The following ABI3BP variants were observed in gnomAD, a reference collection of about 807,000 sequenced individuals.
ABI3BP encodes the protein target of Nesh-SH3.
A neutral mutation model predicts 268.6 loss-of-function variants in ABI3BP; 216 were observed. The observed-to-expected ratio is 0.80, with a 90% CI of 0.72 to 0.90. ABI3BP has a LOEUF of 0.90. ABI3BP is among the 40% of genes least tolerant of loss of function. ABI3BP has a pLI of 0.00. For synonymous variants in ABI3BP, 730 were observed against 730.0 expected, an observed-to-expected ratio of 1.00 and a Z score of 0.00; for missense variants, 2,090 against 2,182.4, an observed-to-expected ratio of 0.96 and a Z score of 0.84.
At chr3:100,753,313 T>C (rs1474251002) in intron 65 of ABI3BP, among the ~76,000 whole-genome samples, 1 of 151,986 alleles carries the variant, frequency 6.6e-6, no homozygotes. Flanking sequence ...TCTTTTTTTT[T>C]TTTTGAGACA....
At chr3:100,811,391 A>G (rs1160478026) in intron 47 of ABI3BP, 114 bp from the exon 48 acceptor site, 1 of 768,220 alleles carries the variant, frequency 1.3e-6, no homozygotes, top group Non-Finnish European at 2.0e-6. Flanking sequence ...AGACAGGACA[A>G]TGGATTTAGA....
chr3:100,880,992 CACATGAGAACTTGGGCATA>C (rs560325418), intron 6 of ABI3BP, among the ~76,000 whole-genome samples: 5 of 151,894 alleles, frequency 3.3e-5, no homozygotes, highest in Non-Finnish European at 7.4e-5. Context: ...AGAGTCAAAC[CACATGAGAACTTGGGCATA>C]TTAGATTCTG....
At chr3:100,967,710 A>T (rs1029577859) in intron 1 of ABI3BP, among the ~76,000 whole-genome samples, 4 of 152,150 alleles carry the variant, frequency 2.6e-5, no homozygotes, top group African/African-American at 9.7e-5. Flanking sequence ...AATAAGGTAG[A>T]ATAATTACAA....
At chr3:100,842,481 A>C (rs2098717973) in intron 20 of ABI3BP, among the ~76,000 whole-genome samples, 1 of 152,224 alleles carries the variant, frequency 6.6e-6, no homozygotes, top group East Asian at 1.9e-4. Flanking sequence ...ACGTTCTCTC[A>C]CAAAAAAGAT....
chr3:100,816,182 A>G, intron 43 of ABI3BP: 1 of 524,356 alleles, frequency 1.9e-6, no homozygotes. Flanking sequence ...GAACTCTGTT[A>G]CATATCTTGA....
Position 100,898,817 on chromosome 3 carries a change from A to T in ABI3BP, c.406T>A (p.Phe136Ile). ...CAGTCATGGTGTGGGTTGATGAGGA[A>T]ACCCCAGGACAGGAAGACCGAGCTC... ...TPSSVFLSWG[F>I]LINPHHDWTL... Residue 136 changes from phenylalanine (F) to isoleucine (I), a missense_variant, in exon 4 of 68, where the codon TTC becomes ATC. Coordinates refer to ENST00000471714, the MANE Select transcript of ABI3BP (RefSeq NM_001375547.2). 1 of 1,613,800 alleles carries T rather than the reference A, an allele frequency of 6.2e-7. No homozygotes were observed. Among genetic ancestry groups the T allele is most frequent in the Non-Finnish European group, 8.5e-7 (1 of 1,179,798 alleles).
chr3:100,839,504 T>C (rs2152904857), intron 24 of ABI3BP, 65 bp downstream of exon 24: 1 of 1,482,136 alleles, frequency 6.7e-7, no homozygotes, highest in South Asian at 1.2e-5. Flanking sequence ...ATGCCTGTAA[T>C]GGAGAGTGGG....
chr3:100,837,616 G>T (rs1388507127), intron 26 of ABI3BP, among the ~76,000 whole-genome samples: 1 of 152,098 alleles, frequency 6.6e-6, no homozygotes, highest in African/African-American at 2.4e-5. Context: ...AATTAGCCTG[G>T]TGTGGTGGTG....
intron 6 of ABI3BP, among the ~76,000 whole-genome samples, chr3:100,877,413 T>C (rs1246294454): frequency 4.6e-5 from 7 of 152,212 alleles, no homozygotes; most frequent in Admixed American, 4.6e-4. Flanking sequence ...TTCCACAGCC[T>C]GTACTTTCAA....
chr3:100,993,405 T>C lies in ABI3BP; in HGVS notation c.-21A>G, dbSNP rs3732895. The stretch of plus-strand genomic sequence containing the variant: ...AGCATGTTGCATTTGCCACCTCGCA[T>C]GGGGAATGATGCTGGTGGGTGCCTC... On this transcript the variant is annotated 5_prime_UTR_variant, in exon 1 of 68. An upstream start codon of the reference 5' UTR is lost. Transcript: ENST00000471714. The C allele has an allele frequency of 0.16, 241,053 of 1,548,040 alleles. 22,029 individuals carry two copies. Among genetic ancestry groups the C allele is most frequent in the East Asian group, 0.45 (18,240 of 40,834 alleles).
chr3:100,874,710 A>G (rs1049231312), intron 9 of ABI3BP, 131 bp downstream of exon 9: 2 of 533,396 alleles, frequency 3.7e-6, no homozygotes, highest in East Asian at 3.0e-5. Context: ...CAACACTCCA[A>G]CCTCTTTGCC....
At chr3:100,988,016 G>C (rs1217285984) in intron 1 of ABI3BP, among the ~76,000 whole-genome samples, 1 of 151,926 alleles carries the variant, frequency 6.6e-6, no homozygotes, top group Non-Finnish European at 1.5e-5. Context: ...TTTTTCTAAC[G>C]TACTGTTTAA....
chr3:100,821,000 G>A, intron 39 of ABI3BP, 54 bp downstream of exon 39: 1 of 1,401,774 alleles, frequency 7.1e-7, no homozygotes, highest in South Asian at 1.2e-5. Flanking sequence ...ATGATGGAAT[G>A]GGTTTGACGA....
Position 100,857,973 on chromosome 3 carries a change from A to AG in ABI3BP, c.1285+4337_1285+4338insC, listed in dbSNP as rs2098957945. Among the ~76,000 whole-genome samples the AG allele has an allele frequency of 2.0e-5, 3 of 152,362 alleles. 1 individual carries two copies. The East Asian group carries it at 5.8e-4, about 29-fold the overall frequency. On this transcript the variant is annotated intron_variant, in intron 14 of 67. Transcript: ENST00000471714. ...TGCACAATTCATCTGAATGGAAGAC[A>AG]CTGAGAACTTTTCTAGCGCTTGCTC...
At chr3:100,838,690 A>C (rs963685221) in intron 24 of ABI3BP, among the ~76,000 whole-genome samples, 2 of 152,194 alleles carry the variant, frequency 1.3e-5, no homozygotes, top group African/African-American at 4.8e-5. Context: ...TTTTTGAGCA[A>C]AAGTAATGAG....
intron 21 of ABI3BP, among the ~76,000 whole-genome samples, chr3:100,841,306 T>C (rs11714560): frequency 6.8e-6 from 1 of 147,518 alleles, no homozygotes; most frequent in Non-Finnish European, 1.5e-5. Flanking sequence ...TCCTAGTCCG[T>C]GGCACTTTTC....
chr3:100,832,236 T>A, intron 31 of ABI3BP, 28 bp downstream of exon 31: 1 of 1,528,990 alleles, frequency 6.5e-7, no homozygotes, highest in Non-Finnish European at 8.8e-7. Context: ...ACTGCTTGGA[T>A]TCTACAAAAC....
At chr3:100,860,632 C>G (rs571462121) in intron 14 of ABI3BP, among the ~76,000 whole-genome samples, 4 of 152,252 alleles carry the variant, frequency 2.6e-5, no homozygotes, top group African/African-American at 9.6e-5. Flanking sequence ...TGGTTCAACT[C>G]GAGCCTTCAT....
intron 63 of ABI3BP, among the ~76,000 whole-genome samples, chr3:100,760,423 C>A (rs1019011191): frequency 1.3e-5 from 2 of 152,138 alleles, no homozygotes; most frequent in South Asian, 4.1e-4. Context: ...AGAACTCCGT[C>A]CATCAGTGGA....
Sources: gnomAD v4.1 joint callset for allele counts (sites outside exome capture counted in the v4.1 genomes callset) on GRCh38, gnomAD v4.1.1 for gene constraint, MANE v1.5 for transcripts, NCBI Gene and HGNC (gene_info 2026-07-23, HGNC 2026-07-21) for gene names.